PXDNL: variants seen among roughly 807,000 people sequenced by gnomAD.
PXDNL encodes peroxidasin like.
Under a neutral mutation model 150.8 loss-of-function variants are expected in PXDNL, and 145 were observed. That is an observed-to-expected ratio of 0.96 (90% CI 0.84 to 1.10). The LOEUF is 1.10. PXDNL is among the 50% of genes least tolerant of loss of function. The probability of loss-of-function intolerance (pLI) is 0.00; values close to 1 mark genes in which losing one functional copy is unlikely to be tolerated. For synonymous variants in PXDNL, 757 were observed against 725.7 expected (o/e 1.04, Z -0.69); for missense variants, 2,087 against 1,873.9 (o/e 1.11, Z -2.10).
chr8:51,744,080 AGGAAGGAAGGAAG>A (rs2036942269), intron 1 of PXDNL, among the ~76,000 whole-genome samples: 1 of 94,942 alleles, frequency 1.1e-5, no homozygotes, highest in African/African-American at 4.6e-5. Flanking sequence ...GAAGGAAGGA[AGGAAGGAAGGAAG>A]GAAAGAAAGA....
chr8:51,547,463 G>A (rs1812386773), intron 4 of PXDNL, among the ~76,000 whole-genome samples: 1 of 152,148 alleles, frequency 6.6e-6, no homozygotes. Flanking sequence ...ACCTCCACCA[G>A]AGCAGATACT....
intron 4 of PXDNL, among the ~76,000 whole-genome samples, chr8:51,537,067 C>G (rs61507983): frequency 0.2 from 29,795 of 152,100 alleles, 3,580 homozygotes; most frequent in African/African-American, 0.32. Flanking sequence ...GACAGAAAAG[C>G]AAACATAAAT....
intron 5 of PXDNL, among the ~76,000 whole-genome samples, chr8:51,494,709 C>G (rs578014388): frequency 1.3e-5 from 2 of 152,214 alleles, no homozygotes; most frequent in East Asian, 1.9e-4. Flanking sequence ...GTGAAGGGAT[C>G]AATTCAACAA....
chr8:51,327,595 A>T (rs1805552744), intron 21 of PXDNL, among the ~76,000 whole-genome samples: 1 of 152,218 alleles, frequency 6.6e-6, no homozygotes, highest in African/African-American at 2.4e-5. Flanking sequence ...TGCTCAGTGT[A>T]CTTAAGATGC....
chr8:51,644,524 A>C (rs1324553702), intron 2 of PXDNL, among the ~76,000 whole-genome samples: 1 of 150,204 alleles, frequency 6.7e-6, no homozygotes, highest in Non-Finnish European at 1.5e-5. Context: ...CAGTGGCACT[A>C]TCTCAGCTCA....
In PXDNL at chr8:51,409,173, T is replaced by A. The variant is rs773870330; in HGVS notation, c.2451A>T (p.Thr817=). 11 of 1,598,658 alleles carry A rather than the reference T, an allele frequency of 6.9e-6. No homozygotes were observed. The highest frequency in any genetic ancestry group is 8.5e-6 in the Non-Finnish European group (10 of 1,176,736). The part of the protein sequence containing the change: ...GWFLEHDLDH[T]VPALSTARFS... ...AGCGGGCTGTGCTCAGCGCAGGCAC[T>A]GTGTGGTCCAAGTCGTGCTCTAGAA... Residue 817 remains threonine (T), a synonymous_variant, in exon 17 of 23, where the codon ACA becomes ACT. Coordinates refer to ENST00000356297, the MANE Select transcript of PXDNL (RefSeq NM_144651.5).
In PXDNL at chr8:51,601,205, C is replaced by A. The variant is rs1334291453; in HGVS notation, c.237-8507G>T. Among the ~76,000 whole-genome samples the A allele has an allele frequency of 2.0e-5, 3 of 151,494 alleles. No individual in the cohort carries two copies. The Admixed American group carries it at 2.0e-4, about 10-fold the overall frequency. On this transcript the variant is annotated intron_variant, in intron 2 of 22. Coordinates refer to ENST00000356297, the MANE Select transcript of PXDNL (RefSeq NM_144651.5). ...GAGAATATATATTCTGTGGTTGATC[C>A]ATGGAGTATTCCGTAATGTTTATTA...
At chr8:51,690,765 A>C (rs948048302) in intron 1 of PXDNL, among the ~76,000 whole-genome samples, 16 of 151,074 alleles carry the variant, frequency 1.1e-4, no homozygotes, top group South Asian at 4.2e-4. Context: ...ACAATGGTTG[A>C]ACTAGTTTAC....
chr8:51,663,784 G>C (rs1225158452), intron 1 of PXDNL, among the ~76,000 whole-genome samples: 1 of 152,138 alleles, frequency 6.6e-6, no homozygotes, highest in South Asian at 2.1e-4. Flanking sequence ...GGGGGCCACG[G>C]TGGGTGCTGT....
intron 22 of PXDNL, 95 bp from the exon 23 acceptor site, chr8:51,320,117 G>GCTGA: frequency 9.4e-7 from 1 of 1,065,578 alleles, no homozygotes; most frequent in Non-Finnish European, 1.2e-6. Flanking sequence ...AATCTAATAA[G>GCTGA]CTGACTGTCT....
At chr8:51,423,875 T>A (rs1809021098) in intron 13 of PXDNL, 144 bp from the exon 14 acceptor site, 2 of 600,120 alleles carry the variant, frequency 3.3e-6, no homozygotes, top group Non-Finnish European at 2.6e-6. Context: ...GATACATGAA[T>A]CTAGTGGAGA....
At chr8:51,628,942 T>G (rs989088539) in intron 2 of PXDNL, among the ~76,000 whole-genome samples, 2 of 152,114 alleles carry the variant, frequency 1.3e-5, no homozygotes, top group South Asian at 2.1e-4. Context: ...ATATTATCTA[T>G]TCAAAATATC....
intron 2 of PXDNL, among the ~76,000 whole-genome samples, chr8:51,650,524 G>A (rs1450287248): frequency 1.3e-5 from 2 of 152,120 alleles, no homozygotes; most frequent in South Asian, 2.1e-4. Context: ...TTTTTACATT[G>A]CCTTACCATG....
intron 4 of PXDNL, among the ~76,000 whole-genome samples, chr8:51,518,038 C>G (rs571178612): frequency 6.6e-6 from 1 of 152,326 alleles, no homozygotes; most frequent in South Asian, 2.1e-4. Context: ...TAACAAACCT[C>G]TTTAAGGCTA....
intron 20 of PXDNL, among the ~76,000 whole-genome samples, chr8:51,343,294 A>G (rs563663085): frequency 6.6e-6 from 1 of 152,314 alleles, no homozygotes; most frequent in Non-Finnish European, 1.5e-5. Context: ...GGTTGAGGGA[A>G]TTTGACCTCC....
At chr8:51,625,234 G>C (rs1042685110) in intron 2 of PXDNL, among the ~76,000 whole-genome samples, 1 of 152,210 alleles carries the variant, frequency 6.6e-6, no homozygotes, top group South Asian at 2.1e-4. Context: ...CAGAAACTTC[G>C]TTAGCATCCT....
chr8:51,574,296 G>T (rs867202838), intron 3 of PXDNL, among the ~76,000 whole-genome samples: 1 of 151,986 alleles, frequency 6.6e-6, no homozygotes, highest in Non-Finnish European at 1.5e-5. Context: ...GTATGGGTCA[G>T]TGGCAGGATG....
chr8:51,630,857 G>A (rs186366889), intron 2 of PXDNL, among the ~76,000 whole-genome samples: 14 of 152,146 alleles, frequency 9.2e-5, no homozygotes, highest in Non-Finnish European at 1.9e-4. Context: ...TCAGCCATTG[G>A]GGAAAGCAGT....
chr8:51,716,178 G>T (rs934799121), intron 1 of PXDNL, among the ~76,000 whole-genome samples: 1 of 152,072 alleles, frequency 6.6e-6, no homozygotes, highest in African/African-American at 2.4e-5. Context: ...GTGGGTGCCT[G>T]CTTTCAAAAC....
Sources: gnomAD v4.1 joint callset for allele counts (sites outside exome capture counted in the v4.1 genomes callset) on GRCh38, gnomAD v4.1.1 for gene constraint, MANE v1.5 for transcripts, NCBI Gene and HGNC (gene_info 2026-07-23, HGNC 2026-07-21) for gene names.